SLC25A24: variants seen among roughly 807,000 people sequenced by gnomAD.
SLC25A24 encodes mitochondrial adenyl nucleotide antiporter SLC25A24.
Under a neutral mutation model 60.7 loss-of-function variants are expected in SLC25A24, and 49 were observed. The ratio of observed to expected loss-of-function variants is 0.81; its 90% CI spans 0.64 to 1.02. The LOEUF is 1.02. Among genes scored for constraint, SLC25A24 ranks in the 50% least tolerant of loss-of-function variants. SLC25A24 has a pLI of 0.00. For missense variants in SLC25A24, 564 were observed against 586.3 expected, an observed-to-expected ratio of 0.96 and a Z score of 0.39; for synonymous variants, 202 against 200.6, an observed-to-expected ratio of 1.01 and a Z score of -0.06.
chr1:108,193,753 T>C (rs1648416206), intron 1 of SLC25A24, among the ~76,000 whole-genome samples: 1 of 140,260 alleles, frequency 7.1e-6, no homozygotes, highest in African/African-American at 2.5e-5. Context: ...ACCACTACAA[T>C]GGCTCCAGGG....
At chr1:108,199,513 A>G (rs114660460) in intron 1 of SLC25A24, 2,273 of 226,072 alleles carry the variant, frequency 0.01, 53 homozygotes, top group African/African-American at 0.049. Context: ...AACAGTAGAC[A>G]ATACACATAG....
chr1:108,172,772 T>C (rs1647505726), intron 3 of SLC25A24, among the ~76,000 whole-genome samples: 1 of 152,166 alleles, frequency 6.6e-6, no homozygotes. Context: ...CAAGCTGACA[T>C]TTGGAGTGAC....
chr1:108,138,268 G>A (rs1365126224), intron 9 of SLC25A24, among the ~76,000 whole-genome samples: 1 of 152,228 alleles, frequency 6.6e-6, no homozygotes, highest in Non-Finnish European at 1.5e-5. Flanking sequence ...ATGGCTCAGG[G>A]AGTATTTGCC....
intron 3 of SLC25A24, among the ~76,000 whole-genome samples, chr1:108,171,690 G>A (rs1647467369): frequency 6.6e-6 from 1 of 152,242 alleles, no homozygotes; most frequent in South Asian, 2.1e-4. Flanking sequence ...TGTGCCCTCA[G>A]TGGGAACAAC....
intron 3 of SLC25A24, among the ~76,000 whole-genome samples, chr1:108,171,103 C>T (rs1647445380): frequency 6.6e-6 from 1 of 152,094 alleles, no homozygotes; most frequent in African/African-American, 2.4e-5. Flanking sequence ...CTTCTCTCTA[C>T]TCTTCATTGG....
intron 3 of SLC25A24, among the ~76,000 whole-genome samples, chr1:108,162,047 TTTGG>T (rs1234982135): frequency 2.0e-5 from 3 of 150,814 alleles, no homozygotes; most frequent in African/African-American, 7.3e-5. Flanking sequence ...ATATGCGGTG[TTTGG>T]TTTTTTGTTC....
chr1:108,149,379 G>A (rs1440638497), intron 6 of SLC25A24, among the ~76,000 whole-genome samples: 1 of 152,096 alleles, frequency 6.6e-6, no homozygotes, highest in African/African-American at 2.4e-5. Context: ...TGGAACTCCA[G>A]AGCCACGTGG....
At chr1:108,185,439 A>G (rs1033369110) in intron 2 of SLC25A24, among the ~76,000 whole-genome samples, 1 of 152,236 alleles carries the variant, frequency 6.6e-6, no homozygotes, top group African/African-American at 2.4e-5. Flanking sequence ...ATTTTAGATG[A>G]CACAACTGTC....
chr1:108,200,058 G>A lies in SLC25A24; in HGVS notation c.81C>T (p.Leu27=). 2 of 1,603,416 alleles carry A rather than the reference G, an allele frequency of 1.2e-6. No homozygotes were observed. Among genetic ancestry groups the A allele is most frequent in the Non-Finnish European group, 1.7e-6 (2 of 1,175,580 alleles). The change falls in exon 1 of 10, where the codon CTC becomes CTT. Residue 27 remains leucine, a synonymous_variant. Coordinates refer to ENST00000565488, the MANE Select transcript of SLC25A24 (RefSeq NM_013386.5). ...CCCCATTGCGGTCCAGTGCCTGGAA[G>A]AGGGTCTCGTAGCGCGTCGGCTGCT... ...DAEQPTRYET[L]FQALDRNGDG...
intron 3 of SLC25A24, among the ~76,000 whole-genome samples, chr1:108,161,895 C>T (rs1571292007): frequency 1.3e-5 from 2 of 151,594 alleles, no homozygotes; most frequent in South Asian, 4.2e-4. Context: ...GCGCTGCACC[C>T]ACTAACTCGT....
At chr1:108,187,095 A>T (rs1291395929) in intron 1 of SLC25A24, among the ~76,000 whole-genome samples, 2 of 142,192 alleles carry the variant, frequency 1.4e-5, no homozygotes, top group African/African-American at 5.3e-5. Flanking sequence ...AAAAAAAATT[A>T]AAAAAATAAT....
intron 6 of SLC25A24, among the ~76,000 whole-genome samples, chr1:108,152,404 T>A (rs1007307868): frequency 2.6e-5 from 4 of 152,140 alleles, no homozygotes; most frequent in African/African-American, 7.2e-5. Flanking sequence ...TCTCATTCTA[T>A]CACCCAGGCT....
chr1:108,180,553 A>G (rs1179883830), intron 3 of SLC25A24, among the ~76,000 whole-genome samples: 1 of 151,654 alleles, frequency 6.6e-6, no homozygotes, highest in African/African-American at 2.4e-5. Context: ...AGTCAAATAA[A>G]GTCATAAGAA....
In SLC25A24 at chr1:108,197,936, T is replaced by C. The variant is rs376822678; in HGVS notation, c.183+2020A>G. Among the ~76,000 whole-genome samples, 4 of 152,332 alleles carry C rather than the reference T, an allele frequency of 2.6e-5. No homozygotes were observed. The East Asian group carries it at 5.8e-4, about 22-fold the overall frequency. ...TGGCTTGGTGTCATTCTTGCAGTAG[T>C]GAGTGAGTTCTCTCTCTCATGAGAC... On this transcript the variant is annotated intron_variant, in intron 1 of 9. Coordinates refer to ENST00000565488, the MANE Select transcript of SLC25A24 (RefSeq NM_013386.5).
At chr1:108,180,668 G>A (rs1415134344) in intron 3 of SLC25A24, among the ~76,000 whole-genome samples, 1 of 113,634 alleles carries the variant, frequency 8.8e-6, no homozygotes, top group Non-Finnish European at 1.8e-5. Context: ...CTCTCTCTCT[G>A]CCATATGACA....
chr1:108,137,415 A>G (rs1274238884), intron 9 of SLC25A24, among the ~76,000 whole-genome samples: 1 of 152,182 alleles, frequency 6.6e-6, no homozygotes, highest in Non-Finnish European at 1.5e-5. Flanking sequence ...AGCGAAAACC[A>G]GTGTTGCTGG....
chr1:108,160,309 T>C (rs1250792653), intron 4 of SLC25A24, among the ~76,000 whole-genome samples: 40 of 127,416 alleles, frequency 3.1e-4, no homozygotes, highest in African/African-American at 5.5e-4. Context: ...CCTCACTTCC[T>C]AGATGGGATG....
At chr1:108,160,872 G>A (rs1195401801) in intron 4 of SLC25A24, among the ~76,000 whole-genome samples, 1 of 152,218 alleles carries the variant, frequency 6.6e-6, no homozygotes, top group Non-Finnish European at 1.5e-5. Context: ...ATCAGGCAGG[G>A]AGGTTGCAGT....
intron 1 of SLC25A24, among the ~76,000 whole-genome samples, chr1:108,194,820 C>T (rs1051084536): frequency 2.6e-5 from 4 of 152,172 alleles, no homozygotes; most frequent in African/African-American, 7.2e-5. Context: ...ACTATTTATG[C>T]TAAGTTACTG....
Sources: allele counts gnomAD v4.1 joint callset (sites outside exome capture counted in the v4.1 genomes callset), GRCh38; gene constraint gnomAD v4.1.1; transcripts MANE v1.5; gene names NCBI Gene and HGNC (gene_info 2026-07-23, HGNC 2026-07-21).